Variants in COL6A3 observed in about 807,000 individuals in gnomAD.
COL6A3 encodes the protein collagen alpha-3(VI) chain.
In COL6A3, 137 loss-of-function variants were observed where a neutral mutation model predicts 274.1. The observed-to-expected ratio is 0.50, with a 90% confidence interval of 0.44 to 0.58. COL6A3 has a LOEUF of 0.58. Among genes scored for constraint, COL6A3 ranks in the 20% least tolerant of loss-of-function variants. COL6A3 has a pLI of 0.00. For synonymous variants in COL6A3, 1,650 were observed against 1,650.6 expected, an observed-to-expected ratio of 1.00 and a Z score of 0.01; for missense variants, 3,950 against 4,124.9, an observed-to-expected ratio of 0.96 and a Z score of 1.16.
intron 5 of COL6A3, among the ~76,000 whole-genome samples, chr2:237,380,224 A>G (rs575416448): frequency 9.8e-5 from 15 of 152,342 alleles, no homozygotes; most frequent in African/African-American, 2.9e-4. Flanking sequence ...TCCTCTAGTG[A>G]TCGAGTCTGC....
intron 42 of COL6A3, among the ~76,000 whole-genome samples, chr2:237,332,163 A>G (rs1487449731): frequency 3.0e-5 from 4 of 133,836 alleles, no homozygotes; most frequent in Non-Finnish European, 6.4e-5. Flanking sequence ...GCTGAAAGAC[A>G]TTGTTGTTTA....
In COL6A3 at chr2:237,352,582, G is replaced by A. The variant is rs754646270; in HGVS notation, c.6693C>T (p.Gly2231=). The change falls in exon 26 of 44, where the codon GGC becomes GGT. Residue 2231 remains glycine (G), a splice_region_variant and synonymous_variant. Transcript: ENST00000295550. The part of the protein sequence containing the change: ...EGEQGTRGAQ[G]PAGPAGPPGL... ...CTGGAGGACCAGCAGGACCAGCTGG[G>A]CCCTGAGGAAGGAAAAGACCATCGT... is the stretch of plus-strand genomic sequence containing the variant. 1 of 1,613,464 alleles carries A rather than the reference G, an allele frequency of 6.2e-7. No homozygotes were observed. The highest frequency in any genetic ancestry group is 1.7e-5 in the Admixed American group (1 of 59,972).
Position 237,351,179 on chromosome 2 carries a change from G to A in COL6A3, c.6767C>T (p.Ala2256Val). ...GISGPRGSGG[A>V]AGAPGERGRT... is the part of the protein sequence containing the mutation. ...GCCTCGTTCTCCAGGAGCACCAGCG[G>A]CACCTCCGCTTCCCTGGAGCAGGAG... Residue 2256 changes from alanine (A) to valine (V), a missense_variant, in exon 27 of 44, where the codon GCC becomes GTC. Ala to Val is a moderately conservative substitution (Grantham distance 64). Coordinates refer to ENST00000295550, the MANE Select transcript of COL6A3 (RefSeq NM_004369.4). 2 of 1,614,196 alleles carry A rather than the reference G, an allele frequency of 1.2e-6. No individual in the cohort carries two copies. The highest frequency in any genetic ancestry group is 1.7e-6 in the Non-Finnish European group (2 of 1,180,016).
intron 4 of COL6A3, among the ~76,000 whole-genome samples, chr2:237,387,267 C>T (rs1029493318): frequency 2.6e-5 from 4 of 152,206 alleles, no homozygotes; most frequent in Admixed American, 6.5e-5. Context: ...TTTAGGAAGA[C>T]TGGATTATAA....
At position 237,374,927 on chromosome 2, in the gene COL6A3, A is replaced by G; in HGVS notation, c.3164T>C (p.Val1055Ala). ...GTCCTGGCCCACATCCAGGCTTTCC[A>G]CCACTCTCTGGACAAACTCTTTCAA... Reference protein sequence around the residue: ...PLLKEFVQRVVESLDVGQDRV... With the variant: ...PLLKEFVQRVAESLDVGQDRV... Residue 1055 changes from valine to alanine, a missense_variant, in exon 8 of 44, where the codon GTG becomes GCG. This residue lies in a region of COL6A3 where 1,934 missense variants were observed against 1,984.3 expected (regional missense o/e 0.97). Coordinates refer to ENST00000295550, the MANE Select transcript of COL6A3 (RefSeq NM_004369.4). This position sits in a 1 kb window ranked among gnomAD's most constrained non-coding sequence, Gnocchi z 4.8. 6.2e-7 allele frequency: 1 copy of G among 1,613,790 alleles called. No individual in the cohort carries two copies. Among genetic ancestry groups the G allele is most frequent in the South Asian group, 1.1e-5 (1 of 91,048 alleles).
At position 237,334,658 on chromosome 2, in the gene COL6A3, A is replaced by G. The variant is rs752209951; in HGVS notation, c.9197T>C (p.Val3066Ala). The part of the protein sequence containing the change: ...VAVVCYLRSQ[V>A]RATYHGSFST... ...GAAACTTCCGTGGTAGGTGGCTCTGACCTGAGACCTCAGGTAGCAGACCAC... is the reference window on the plus strand; with the variant it reads ...GAAACTTCCGTGGTAGGTGGCTCTGGCCTGAGACCTCAGGTAGCAGACCAC... The change falls in exon 41 of 44, where the codon GTC (valine) becomes GCC (alanine). Residue 3066 changes from valine to alanine, a missense_variant. Val to Ala is a moderately conservative substitution (Grantham distance 64). Transcript: ENST00000295550. The G allele has an allele frequency of 6.2e-7, 1 of 1,613,660 alleles. No homozygotes were observed. The highest frequency in any genetic ancestry group is 8.5e-7 in the Non-Finnish European group (1 of 1,180,022).
chr2:237,379,270 C>G, intron 5 of COL6A3, 35 bp from the exon 6 acceptor site: 3 of 1,613,836 alleles, frequency 1.9e-6, no homozygotes, highest in Non-Finnish European at 2.5e-6. Flanking sequence ...GTGAGACATA[C>G]ACAACCACGG....
chr2:237,393,858 C>T (rs577287961), intron 3 of COL6A3, among the ~76,000 whole-genome samples: 2 of 152,240 alleles, frequency 1.3e-5, no homozygotes, highest in African/African-American at 4.8e-5. Context: ...CATGACACAT[C>T]GATGCAATGT....
intron 28 of COL6A3, 125 bp from the exon 29 acceptor site, chr2:237,348,788 T>G (rs2077147876): frequency 3.7e-6 from 3 of 813,038 alleles, no homozygotes; most frequent in Non-Finnish European, 6.4e-6. Flanking sequence ...CAGACTAAGG[T>G]ACAGGAGTAG....
chr2:237,336,851 C>T (rs1700577375), intron 39 of COL6A3, among the ~76,000 whole-genome samples: 1 of 152,090 alleles, frequency 6.6e-6, no homozygotes, highest in African/African-American at 2.4e-5. Context: ...ACAATGTTCT[C>T]ATTATAGCAA....
At chr2:237,409,314 A>G (rs1255295915) in intron 1 of COL6A3, among the ~76,000 whole-genome samples, 1 of 152,072 alleles carries the variant, frequency 6.6e-6, no homozygotes, top group Non-Finnish European at 1.5e-5. Flanking sequence ...TTATTATTAT[A>G]CTTTAAGTTT....
chr2:237,376,736 C>A, intron 7 of COL6A3, 36 bp downstream of exon 7: 1 of 1,600,106 alleles, frequency 6.2e-7, no homozygotes, highest in Admixed American at 1.7e-5. Flanking sequence ...CATTAGAGAA[C>A]TGAGTGGCAG....
Position 237,387,849 on chromosome 2 carries a change from C to T in COL6A3, c.1045G>A (p.Val349Met), listed in dbSNP as rs1464663206. ...GSRVEEGVPQ[V>M]LVLISAGPSS... ...GGCCCGGCACTTATGAGGACCAGCA[C>T]CTGGGGAACCCCTTCCTCCACGCGG... is the stretch of plus-strand genomic sequence containing the variant. Residue 349 changes from valine (V) to methionine (M), a missense_variant, in exon 4 of 44, where the codon GTG (valine) becomes ATG (methionine). Transcript: ENST00000295550. 1.2e-6 allele frequency: 2 copies of T among 1,614,168 alleles called. No homozygotes were observed. Among genetic ancestry groups the T allele is most frequent in the South Asian group, 1.1e-5 (1 of 91,074 alleles).
chr2:237,355,960 G>A (rs2077308917), intron 23 of COL6A3, among the ~76,000 whole-genome samples: 1 of 152,200 alleles, frequency 6.6e-6, no homozygotes, highest in South Asian at 2.1e-4. Flanking sequence ...GAGGCCGCCT[G>A]CGGAGACTCT....
chr2:237,363,635 T>G lies in COL6A3; in HGVS notation c.5918-237A>C, dbSNP rs544751843. 3.9e-5 allele frequency among the ~76,000 whole-genome samples: 6 copies of G among 152,344 alleles called. No homozygotes were observed. In the East Asian group the frequency reaches 9.6e-4, roughly 24 times the overall value. ...AACCTATTACTAAAAATATAGGAAG[T>G]GGCATCCATGAAGTGTATTCATGCA... On this transcript the variant is annotated intron_variant, in intron 13 of 43. Transcript: ENST00000295550.
rs376361222 is a variant in COL6A3, at chr2:237,333,514, C to T, written c.9264G>A (p.Arg3088=). 1.2e-6 allele frequency: 2 copies of T among 1,614,146 alleles called. No individual in the cohort carries two copies. The highest frequency in any genetic ancestry group is 1.7e-6 in the Non-Finnish European group (2 of 1,180,028). The change falls in exon 42 of 44, where the codon AGG becomes AGA. Residue 3088 remains arginine (R), a synonymous_variant. Transcript: ENST00000295550. ...KSQPPPPQPA[R]SASSSTINLM... is the part of the protein sequence containing the mutation. ...GATTGATGGTTGAACTAGAAGCTGA[C>T]CTTGCTGGCTGTGGAGGTGGGGGCT...
rs745663057 is a variant in COL6A3, at chr2:237,348,373, T to C, written c.6942A>G (p.Gly2314=). Residue 2314 remains glycine, a synonymous_variant, in exon 30 of 44, where the codon GGA becomes GGG. Coordinates refer to ENST00000295550, the MANE Select transcript of COL6A3 (RefSeq NM_004369.4). ...CCTTTGGTCCTGGGTATCCAGGGAA[T>C]CCTCTTTCTCCCTATAAAGGAAAAA... The part of the protein sequence containing the change: ...EGRRGKKGER[G]FPGYPGPKGN... The C allele has an allele frequency of 1.9e-6, 3 of 1,603,824 alleles. No individual in the cohort carries two copies. Among genetic ancestry groups the C allele is most frequent in the African/African-American group, 1.3e-5 (1 of 74,732 alleles).
intron 28 of COL6A3, 93 bp from the exon 29 acceptor site, chr2:237,348,756 C>T (rs990818313): frequency 1.5e-4 from 155 of 1,067,926 alleles, no homozygotes; most frequent in Non-Finnish European, 2.2e-4. Context: ...AGAAGTGGAT[C>T]CTTGAGCTCC....
In COL6A3 at chr2:237,374,446, C is replaced by T; in HGVS notation, c.3645G>A (p.Arg1215=). ...VTQLTREELS[R]LQPVLQPLPS... ...GTAGAGGCTGCAACACCGGCTGCAG[C>T]CTGCTCAGCTCCTCGCGGGTGAGCT... is the stretch of plus-strand genomic sequence containing the variant. Residue 1215 remains arginine (R), a synonymous_variant, in exon 8 of 44, where the codon AGG becomes AGA. Coordinates refer to ENST00000295550, the MANE Select transcript of COL6A3 (RefSeq NM_004369.4). This position sits in a 1 kb window ranked among gnomAD's most constrained non-coding sequence, Gnocchi z 4.8. The T allele has an allele frequency of 1.2e-6, 2 of 1,613,530 alleles. No individual in the cohort carries two copies. The highest frequency in any genetic ancestry group is 1.7e-4 in the Middle Eastern group (1 of 6,060).
Sources: gnomAD v4.1 joint callset for allele counts (sites outside exome capture counted in the v4.1 genomes callset) on GRCh38, gnomAD v4.1.1 for gene constraint, gnomAD v4.1.1 regional missense constraint, Gnocchi (gnomAD v3.1) non-coding constraint, MANE v1.5 for transcripts, NCBI Gene and HGNC (gene_info 2026-07-23, HGNC 2026-07-21) for gene names.